The following FAM124A variants were observed in gnomAD, a reference collection of about 807,000 sequenced individuals.
The protein encoded by FAM124A is protein FAM124A.
Under a neutral mutation model 24.5 loss-of-function variants are expected in FAM124A, and 23 were observed. The ratio of observed to expected loss-of-function variants is 0.94; its 90% CI spans 0.68 to 1.33. The LOEUF (loss-of-function observed/expected upper bound fraction) is 1.33, where lower values mean the gene tolerates loss of function less well. FAM124A is among the 40% of genes most tolerant of loss of function. The pLI is 0.00. For synonymous variants in FAM124A, 287 were observed against 314.7 expected, an observed-to-expected ratio of 0.91 and a Z score of 0.93; for missense variants, 623 against 722.8, an observed-to-expected ratio of 0.86 and a Z score of 1.58.
At chr13:51,274,501 G>T (rs559993506) in intron 3 of FAM124A, among the ~76,000 whole-genome samples, 1 of 152,176 alleles carries the variant, frequency 6.6e-6, no homozygotes, top group African/African-American at 2.4e-5. Context: ...GGTCCCTGAG[G>T]CAACTACTCA....
Position 51,264,650 on chromosome 13 carries a change from A to T in FAM124A, c.834+12449A>T, listed in dbSNP as rs77340968. On this transcript the variant is annotated intron_variant, in intron 3 of 3. Coordinates refer to ENST00000322475, the MANE Select transcript of FAM124A (RefSeq NM_001242312.2). The stretch of plus-strand genomic sequence containing the variant: ...ACCATATCTCTTTAAAAAAAAAAAA[A>T]TTGCATACACTGTTTATCTTCCACA... Among the ~76,000 whole-genome samples, 175 of 152,120 alleles carry T rather than the reference A, an allele frequency of 1.2e-3. 2 individuals are homozygous for T. In the South Asian group the frequency reaches 0.014, roughly 12 times the overall value.
At position 51,280,857 on chromosome 13, in the gene FAM124A, G is replaced by A. The variant is rs753666905; in HGVS notation, c.1242G>A (p.Val414=). Reference sequence around the variant, plus strand: ...TAGAGGGGGCCCAGGAGACAGACGTGGACACAGGCCTGCGGCTGTCCTCAT... The same window carrying A: ...TAGAGGGGGCCCAGGAGACAGACGTAGACACAGGCCTGCGGCTGTCCTCAT... ...DDLEGAQETD[V]DTGLRLSSSD... is the part of the protein sequence containing the mutation. The change falls in exon 4 of 4, where the codon GTG becomes GTA. Residue 414 remains valine, a synonymous_variant. Coordinates refer to ENST00000322475, the MANE Select transcript of FAM124A (RefSeq NM_001242312.2). The A allele has an allele frequency of 6.2e-7, 1 of 1,614,126 alleles. No homozygotes were observed.
At chr13:51,254,497 A>G (rs1370333025) in intron 3 of FAM124A, among the ~76,000 whole-genome samples, 1 of 152,186 alleles carries the variant, frequency 6.6e-6, no homozygotes, top group Non-Finnish European at 1.5e-5. Context: ...CCTAAAATGT[A>G]TCTTCCCTTC....
chr13:51,259,197 T>C (rs1013775221), intron 3 of FAM124A, among the ~76,000 whole-genome samples: 3 of 152,076 alleles, frequency 2.0e-5, no homozygotes, highest in Non-Finnish European at 4.4e-5. Flanking sequence ...GCCACCTCCG[T>C]CTCTAAATGC....
chr13:51,274,458 A>T (rs1954867087), intron 3 of FAM124A, among the ~76,000 whole-genome samples: 1 of 152,192 alleles, frequency 6.6e-6, no homozygotes, highest in Admixed American at 6.5e-5. Flanking sequence ...CAGATTTGGG[A>T]TTAGGAATAC....
Position 51,283,587 on chromosome 13 carries a change from AG to A in FAM124A, c.*2332del, listed in dbSNP as rs1329989760. On this transcript the variant is annotated 3_prime_UTR_variant, in exon 4 of 4. Transcript: ENST00000322475. The stretch of plus-strand genomic sequence containing the variant: ...AACAGGAAGGAGCTTCTTTCTGCAG[AG>A]CTGATTCCTGGAAAGCCACCAGCAC... 6.6e-6 allele frequency: 1 copy of A among 152,046 alleles called. No homozygotes were observed. Among genetic ancestry groups the A allele is most frequent in the Non-Finnish European group, 1.5e-5 (1 of 68,052 alleles). 9.4% of individuals were successfully genotyped at this position (152,046 alleles called of 1,614,324 possible). A position where few individuals can be genotyped will look rare whatever the true frequency, so the allele number is the denominator to read the frequency against.
At chr13:51,262,477 A>C (rs1443841229) in intron 3 of FAM124A, among the ~76,000 whole-genome samples, 2 of 152,104 alleles carry the variant, frequency 1.3e-5, no homozygotes, top group African/African-American at 4.8e-5. Flanking sequence ...TGTGAACTAC[A>C]TGTCAGTTTT....
chr13:51,223,018 C>T (rs2137636142), intron 1 of FAM124A, among the ~76,000 whole-genome samples: 1 of 152,252 alleles, frequency 6.6e-6, no homozygotes, highest in East Asian at 1.9e-4. Context: ...AGGAGGATGG[C>T]ATTTCTCGTT....
chr13:51,250,052 GTT>G (rs1215894787), intron 2 of FAM124A, among the ~76,000 whole-genome samples: 1 of 152,232 alleles, frequency 6.6e-6, no homozygotes, highest in Non-Finnish European at 1.5e-5. Flanking sequence ...AAGCTGGACT[GTT>G]TTCAAGTGAG....
chr13:51,269,058 G>A (rs1048463155), intron 3 of FAM124A, among the ~76,000 whole-genome samples: 6 of 152,206 alleles, frequency 3.9e-5, no homozygotes, highest in Non-Finnish European at 7.3e-5. Context: ...CATGTGCACA[G>A]CTCTTTTCAG....
intron 3 of FAM124A, among the ~76,000 whole-genome samples, chr13:51,260,124 G>T (rs1477557454): frequency 6.6e-6 from 1 of 152,154 alleles, no homozygotes; most frequent in Non-Finnish European, 1.5e-5. Flanking sequence ...GGAACCTCCA[G>T]CCACTGAAAG....
At chr13:51,270,290 C>T (rs1954827582) in intron 3 of FAM124A, among the ~76,000 whole-genome samples, 1 of 152,186 alleles carries the variant, frequency 6.6e-6, no homozygotes, top group Admixed American at 6.5e-5. Flanking sequence ...TCATTATTTA[C>T]AACGTACTTG....
chr13:51,234,963 G>A (rs551333602), intron 2 of FAM124A, among the ~76,000 whole-genome samples: 7 of 152,090 alleles, frequency 4.6e-5, no homozygotes, highest in African/African-American at 1.7e-4. Context: ...GCTGGGCATC[G>A]TCCTCTTTTC....
At position 51,284,216 on chromosome 13, in the gene FAM124A, C is replaced by T. The variant is rs995000302; in HGVS notation, c.*2960C>T. ...AAGATGCTGGCACATTGTAGGTGCT[C>T]AATAAATGTGTTCAATTGAAAAATA... On this transcript the variant is annotated 3_prime_UTR_variant, in exon 4 of 4. Coordinates refer to ENST00000322475, the MANE Select transcript of FAM124A (RefSeq NM_001242312.2). The T allele has an allele frequency of 6.6e-6, 1 of 152,102 alleles. No homozygotes were observed. The highest frequency in any genetic ancestry group is 1.5e-5 in the Non-Finnish European group (1 of 68,012). 9.4% of individuals were successfully genotyped at this position (152,102 alleles called of 1,614,324 possible).
chr13:51,259,572 CCTCCCTGGAG>C (rs1219576540), intron 3 of FAM124A, among the ~76,000 whole-genome samples: 2 of 152,080 alleles, frequency 1.3e-5, no homozygotes, highest in African/African-American at 4.8e-5. Flanking sequence ...ATGAGTGAGG[CCTCCCTGGAG>C]GCTCACTGAG....
intron 1 of FAM124A, among the ~76,000 whole-genome samples, chr13:51,227,611 T>G (rs1384807227): frequency 6.6e-6 from 1 of 152,206 alleles, no homozygotes; most frequent in Non-Finnish European, 1.5e-5. Flanking sequence ...CAGAATCCCT[T>G]AAATAGAAGG....
At chr13:51,222,868 T>C (rs951016399) in intron 1 of FAM124A, among the ~76,000 whole-genome samples, 1 of 152,212 alleles carries the variant, frequency 6.6e-6, no homozygotes, top group African/African-American at 2.4e-5. Flanking sequence ...AGACAGGAGA[T>C]GCTCTTGCAC....
chr13:51,251,861 T>G lies in FAM124A; in HGVS notation c.494T>G (p.Val165Gly), dbSNP rs2137679021. The change falls in exon 3 of 4, where the codon GTG becomes GGG. Residue 165 changes from valine (V) to glycine (G), a missense_variant. By Grantham distance (109) the Val-to-Gly change is moderately radical. Transcript: ENST00000322475. This position sits in a 1 kb window ranked among gnomAD's most constrained non-coding sequence, Gnocchi z 5.3. ...PGTPLWAIRP[V>G]HYGKEIVRFT... ...ACGCCGCTTTGGGCCATCCGGCCCG[T>G]GCACTACGGCAAGGAAATCGTGCGC... The G allele has an allele frequency of 2.5e-6, 4 of 1,613,430 alleles. No homozygotes were observed. In the East Asian group the frequency reaches 8.9e-5, roughly 36 times the overall value.
chr13:51,274,076 C>G (rs905741006), intron 3 of FAM124A, among the ~76,000 whole-genome samples: 1 of 152,200 alleles, frequency 6.6e-6, no homozygotes, highest in Non-Finnish European at 1.5e-5. Context: ...GCTCCGGGTC[C>G]TCAGCTGTCA....
Sources: gnomAD v4.1 joint callset for allele counts (sites outside exome capture counted in the v4.1 genomes callset) on GRCh38, gnomAD v4.1.1 for gene constraint, Gnocchi (gnomAD v3.1) non-coding constraint, MANE v1.5 for transcripts, NCBI Gene and HGNC (gene_info 2026-07-23, HGNC 2026-07-21) for gene names.